Variants in NR2C1 observed in about 807,000 individuals in gnomAD.
NR2C1 encodes the protein TR2 nuclear hormone receptor.
NR2C1 carries 33 observed loss-of-function variants against 74.8 expected under a neutral mutation model. That is an observed-to-expected ratio of 0.44 (90% CI 0.33 to 0.59). NR2C1 has a LOEUF of 0.59. Among genes scored for constraint, NR2C1 ranks in the 20% least tolerant of loss-of-function variants. The pLI is 0.02. For synonymous variants in NR2C1, 225 were observed against 240.6 expected (o/e 0.94, Z 0.60); for missense variants, 568 against 715.6 (o/e 0.79, Z 2.35).
At chr12:95,031,749 C>T (rs1331051404) in intron 10 of NR2C1, among the ~76,000 whole-genome samples, 1 of 151,970 alleles carries the variant, frequency 6.6e-6, no homozygotes, top group Non-Finnish European at 1.5e-5. Flanking sequence ...AAAGTTGGGG[C>T]TTTAACTTCA....
chr12:95,035,865 T>A (rs1043706849), intron 10 of NR2C1, among the ~76,000 whole-genome samples: 5 of 152,244 alleles, frequency 3.3e-5, no homozygotes, highest in African/African-American at 1.2e-4. Flanking sequence ...GGCAATGGCT[T>A]AGATGCATTT....
At chr12:95,068,854 T>G (rs927979833) in intron 1 of NR2C1, among the ~76,000 whole-genome samples, 17 of 150,380 alleles carry the variant, frequency 1.1e-4, no homozygotes, top group Admixed American at 3.3e-4. Flanking sequence ...TCCCAGCTAC[T>G]CAGGAGACTG....
Position 95,031,337 on chromosome 12 carries a change from G to C in NR2C1, c.1393+12C>G. The C allele has an allele frequency of 6.4e-7, 1 of 1,565,930 alleles. No individual in the cohort carries two copies. Among genetic ancestry groups the C allele is most frequent in the East Asian group, 2.4e-5 (1 of 42,440 alleles). On this transcript the variant is annotated intron_variant, in intron 11 of 13. Transcript: ENST00000333003. ...CCTACAACCTGGAAAAGGTAAGGAAGGTGCTTTTTACCTTGTTGAAGACTA... is the reference window on the plus strand; with the variant it reads ...CCTACAACCTGGAAAAGGTAAGGAACGTGCTTTTTACCTTGTTGAAGACTA...
intron 8 of NR2C1, among the ~76,000 whole-genome samples, chr12:95,050,194 A>C: frequency 6.6e-6 from 1 of 152,138 alleles, no homozygotes; most frequent in Non-Finnish European, 1.5e-5. Flanking sequence ...GCAAATAATT[A>C]CTCAAAATAG....
intron 10 of NR2C1, among the ~76,000 whole-genome samples, chr12:95,037,846 G>GA: frequency 7.1e-6 from 1 of 141,112 alleles, no homozygotes. Flanking sequence ...ACTGAGCGGA[G>GA]ATCGTGCCAC....
chr12:95,029,104 CAG>C (rs1290678998), intron 11 of NR2C1, among the ~76,000 whole-genome samples: 1 of 152,168 alleles, frequency 6.6e-6, no homozygotes, highest in Non-Finnish European at 1.5e-5. Flanking sequence ...TTTCTTGAGA[CAG>C]GGTCTCGCTC....
rs140215312 is a variant in NR2C1, at chr12:95,057,745, A to G, written c.678T>C (p.Asp226=). ...PLTATPTFVT[D]SESTRSTGLL... ...TTTTACTTTACCTTGTACTTTCACT[A>G]TCTGTTACAAAAGTTGGAGTTGCAG... Residue 226 remains aspartate (D), a synonymous_variant, in exon 6 of 14, where the codon GAT becomes GAC. Coordinates refer to ENST00000333003, the MANE Select transcript of NR2C1 (RefSeq NM_003297.4). The G allele has an allele frequency of 4.3e-6, 7 of 1,613,896 alleles. No homozygotes were observed. In the African/African-American group the frequency reaches 5.3e-5, roughly 12 times the overall value.
At chr12:95,046,712 A>G (rs1872361974) in intron 9 of NR2C1, among the ~76,000 whole-genome samples, 1 of 152,252 alleles carries the variant, frequency 6.6e-6, no homozygotes, top group South Asian at 2.1e-4. Context: ...ACAAAATGCT[A>G]TTCAGCTCAG....
intron 7 of NR2C1, among the ~76,000 whole-genome samples, chr12:95,052,443 C>T (rs1021838727): frequency 2.6e-5 from 4 of 152,104 alleles, no homozygotes; most frequent in Non-Finnish European, 2.9e-5. Context: ...CGTGGGCCAT[C>T]GCGCCCGGCC....
chr12:95,047,645 G>A (rs1352204372), intron 9 of NR2C1, among the ~76,000 whole-genome samples: 1 of 152,202 alleles, frequency 6.6e-6, no homozygotes, highest in African/African-American at 2.4e-5. Context: ...AGTATGAGCA[G>A]TCACCCTCAG....
intron 9 of NR2C1, among the ~76,000 whole-genome samples, chr12:95,042,404 G>A (rs1252039009): frequency 6.6e-6 from 1 of 151,838 alleles, no homozygotes; most frequent in East Asian, 1.9e-4. Flanking sequence ...GTAGAGACGG[G>A]GTTGTACCAC....
chr12:95,069,254 A>G (rs1424822605), intron 1 of NR2C1, among the ~76,000 whole-genome samples: 4 of 152,238 alleles, frequency 2.6e-5, no homozygotes, highest in Non-Finnish European at 2.9e-5. Context: ...ATGAAAACTT[A>G]GGGAGATAAA....
chr12:95,045,869 C>T (rs1333148866), intron 9 of NR2C1, among the ~76,000 whole-genome samples: 4 of 151,786 alleles, frequency 2.6e-5, no homozygotes, highest in South Asian at 2.1e-4. Context: ...GATGGAGTAT[C>T]GCTCTGTCAC....
chr12:95,063,508 C>G (rs898777500), intron 2 of NR2C1, among the ~76,000 whole-genome samples: 3 of 152,044 alleles, frequency 2.0e-5, no homozygotes, highest in Non-Finnish European at 2.9e-5. Context: ...GGAGAGCCAC[C>G]AAAGGGTTTG....
At chr12:95,058,514 T>C (rs1464493942) in intron 4 of NR2C1, 25 bp from the exon 5 acceptor site, 1 of 1,575,466 alleles carries the variant, frequency 6.3e-7, no homozygotes, top group African/African-American at 1.4e-5. Context: ...TTTAAGAAAA[T>C]ATAAAAGTCA....
chr12:95,044,185 ATC>A (rs1246188758), intron 9 of NR2C1, among the ~76,000 whole-genome samples: 1 of 152,176 alleles, frequency 6.6e-6, no homozygotes, highest in East Asian at 1.9e-4. Flanking sequence ...AACCTGACCA[ATC>A]TGTTTTAGAA....
chr12:95,053,963 G>A (rs1307623267), intron 7 of NR2C1, among the ~76,000 whole-genome samples: 1 of 152,096 alleles, frequency 6.6e-6, no homozygotes, highest in Admixed American at 6.5e-5. Context: ...GATTACAGGC[G>A]TGAGCCACTG....
At chr12:95,072,849 G>A (rs1333735715) in intron 1 of NR2C1, 2 of 152,318 alleles carry the variant, frequency 1.3e-5, no homozygotes, top group African/African-American at 4.8e-5. Flanking sequence ...TGAGAGAAAA[G>A]TGAAAGTGGG....
chr12:95,060,060 A>T, intron 3 of NR2C1, 76 bp from the exon 4 acceptor site: 1 of 1,168,902 alleles, frequency 8.6e-7, no homozygotes, highest in Non-Finnish European at 1.2e-6. Flanking sequence ...TCTATTAAAA[A>T]AATTAAAGAA....
Sources: allele counts gnomAD v4.1 joint callset (sites outside exome capture counted in the v4.1 genomes callset), GRCh38; gene constraint gnomAD v4.1.1; transcripts MANE v1.5; gene names NCBI Gene and HGNC (gene_info 2026-07-23, HGNC 2026-07-21).